Variants in CACNA2D1 observed in about 807,000 individuals in gnomAD.
CACNA2D1 encodes voltage-dependent calcium channel subunit alpha-2/delta-1.
A neutral mutation model predicts 171.5 loss-of-function variants in CACNA2D1; 53 were observed. The observed-to-expected ratio is 0.31, with a 90% CI of 0.25 to 0.39. The LOEUF (loss-of-function observed/expected upper bound fraction) is 0.39. Ranked by LOEUF, CACNA2D1 falls within the 10% of genes least tolerant of loss-of-function variation. CACNA2D1 has a pLI of 1.00. For missense variants in CACNA2D1, 903 were observed against 1,299.8 expected (o/e 0.69, Z 4.69); for synonymous variants, 442 against 443.1 (o/e 1.00, Z 0.03).
intron 12 of CACNA2D1, among the ~76,000 whole-genome samples, chr7:82,020,399 G>C (rs1801039708): frequency 6.6e-6 from 1 of 152,014 alleles, no homozygotes; most frequent in South Asian, 2.1e-4. Flanking sequence ...TTCTGATTTT[G>C]CTTTTCTTAT....
chr7:82,240,891 C>T (rs764088786), intron 3 of CACNA2D1, among the ~76,000 whole-genome samples: 4 of 151,532 alleles, frequency 2.6e-5, no homozygotes, highest in African/African-American at 4.9e-5. Flanking sequence ...CACTTGAACC[C>T]GAGAGGTGGA....
chr7:82,184,527 C>T (rs375977995), intron 3 of CACNA2D1, among the ~76,000 whole-genome samples: 6 of 151,738 alleles, frequency 4.0e-5, no homozygotes, highest in African/African-American at 1.2e-4. Context: ...TTAATGATTT[C>T]GGTAAAAGCT....
At chr7:82,376,475 T>C (rs1431550804) in intron 1 of CACNA2D1, among the ~76,000 whole-genome samples, 2 of 152,226 alleles carry the variant, frequency 1.3e-5, no homozygotes, top group East Asian at 3.8e-4. Context: ...ATGAACTGTG[T>C]ATTTTTCTCA....
At chr7:82,420,654 T>C (rs1265101002) in intron 1 of CACNA2D1, among the ~76,000 whole-genome samples, 1 of 152,196 alleles carries the variant, frequency 6.6e-6, no homozygotes, top group African/African-American at 2.4e-5. Flanking sequence ...ATCTTCTCTA[T>C]GATACACTTT....
At chr7:82,095,442 T>C (rs1811740017) in intron 6 of CACNA2D1, among the ~76,000 whole-genome samples, 1 of 152,214 alleles carries the variant, frequency 6.6e-6, no homozygotes, top group Non-Finnish European at 1.5e-5. Flanking sequence ...TAGAATATAG[T>C]GAAAGAGGCA....
At chr7:82,124,472 T>A (rs6946095) in intron 5 of CACNA2D1, among the ~76,000 whole-genome samples, 32,317 of 151,990 alleles carry the variant, frequency 0.21, 3,810 homozygotes, top group African/African-American at 0.32. Flanking sequence ...CAGCAGCCAA[T>A]CAGACTGACT....
At chr7:82,040,756 C>A (rs1269957362) in intron 10 of CACNA2D1, among the ~76,000 whole-genome samples, 1 of 152,076 alleles carries the variant, frequency 6.6e-6, no homozygotes, top group Non-Finnish European at 1.5e-5. Context: ...GGGTGGATCA[C>A]CTGAGGTCGG....
intron 27 of CACNA2D1, among the ~76,000 whole-genome samples, chr7:81,970,383 T>C (rs1355375888): frequency 1.3e-5 from 2 of 151,600 alleles, no homozygotes; most frequent in Non-Finnish European, 3.0e-5. Context: ...ATAATCATTG[T>C]GTTCATTTCA....
chr7:82,000,043 G>A (rs761410494), intron 18 of CACNA2D1, among the ~76,000 whole-genome samples: 50 of 152,010 alleles, frequency 3.3e-4, no homozygotes, highest in Admixed American at 5.9e-4. Context: ...GGTGGATCAC[G>A]AGGTCAGGAG....
chr7:82,059,075 G>A (rs1806289956), intron 10 of CACNA2D1, among the ~76,000 whole-genome samples: 1 of 152,012 alleles, frequency 6.6e-6, no homozygotes, highest in African/African-American at 2.4e-5. Flanking sequence ...AGTCTCCCTT[G>A]GTGAGTAAAT....
intron 3 of CACNA2D1, among the ~76,000 whole-genome samples, chr7:82,206,868 C>T (rs910284403): frequency 6.6e-6 from 1 of 152,064 alleles, no homozygotes; most frequent in Non-Finnish European, 1.5e-5. Context: ...TTATTTTAAC[C>T]ATCCTATATA....
At chr7:82,205,251 A>G (rs1799896086) in intron 3 of CACNA2D1, among the ~76,000 whole-genome samples, 1 of 152,202 alleles carries the variant, frequency 6.6e-6, no homozygotes, top group Non-Finnish European at 1.5e-5. Flanking sequence ...AATGATTTAA[A>G]GAATATAGAT....
At chr7:82,171,186 C>T (rs543597120) in intron 3 of CACNA2D1, among the ~76,000 whole-genome samples, 4 of 152,112 alleles carry the variant, frequency 2.6e-5, no homozygotes, top group Non-Finnish European at 4.4e-5. Context: ...CACCTTCAAT[C>T]GTGTATGCTA....
At chr7:82,271,282 A>G (rs1352173605) in intron 3 of CACNA2D1, among the ~76,000 whole-genome samples, 1 of 152,102 alleles carries the variant, frequency 6.6e-6, no homozygotes, top group Non-Finnish European at 1.5e-5. Flanking sequence ...TCCAAATACC[A>G]TGATGTACAC....
At chr7:82,146,720 C>T (rs1416320800) in intron 4 of CACNA2D1, among the ~76,000 whole-genome samples, 2 of 151,064 alleles carry the variant, frequency 1.3e-5, no homozygotes, top group Non-Finnish European at 2.9e-5. Flanking sequence ...GGCGCCTTGA[C>T]TCAGGCCTGT....
At chr7:82,217,634 TCACACA>T (rs71522607) in intron 3 of CACNA2D1, among the ~76,000 whole-genome samples, 7 of 140,224 alleles carry the variant, frequency 5.0e-5, no homozygotes, top group East Asian at 2.1e-4. Context: ...TGGCACAGTT[TCACACA>T]CACACACACA....
chr7:82,095,414 G>A (rs191979029), intron 6 of CACNA2D1, among the ~76,000 whole-genome samples: 76 of 152,134 alleles, frequency 5.0e-4, no homozygotes, highest in African/African-American at 1.8e-3. Flanking sequence ...TAGGCACCAC[G>A]TTATTTTCCC....
Position 81,947,860 on chromosome 7 carries a change from T to C in CACNA2D1, c.*2532A>G, listed in dbSNP as rs1366307109. On this transcript the variant is annotated 3_prime_UTR_variant, in exon 39 of 39. Coordinates refer to ENST00000356860, the MANE Select transcript of CACNA2D1 (RefSeq NM_000722.4). ...ATGGGAACAACTTTTATTCAGCTTG[T>C]TCTTACCCAATTTGTAATTGCATTT... is the stretch of plus-strand genomic sequence containing the variant. 3 of 151,908 alleles carry C rather than the reference T, an allele frequency of 2.0e-5. No homozygotes were observed. The highest frequency in any genetic ancestry group is 1.3e-4 in the Admixed American group (2 of 15,216). The allele number at this position is 151,908 out of a possible 1,614,324, so 9.4% of individuals were successfully genotyped here.
chr7:82,146,804 T>C (rs1347585041), intron 4 of CACNA2D1, among the ~76,000 whole-genome samples: 3 of 150,960 alleles, frequency 2.0e-5, no homozygotes, highest in Non-Finnish European at 3.0e-5. Flanking sequence ...CTGGCCATCA[T>C]GGTGAAACCC....
Sources: allele counts gnomAD v4.1 joint callset (sites outside exome capture counted in the v4.1 genomes callset), GRCh38; gene constraint gnomAD v4.1.1; transcripts MANE v1.5; gene names NCBI Gene and HGNC (gene_info 2026-07-23, HGNC 2026-07-21).